The following SDCCAG8 variants were observed in gnomAD, a reference collection of about 807,000 sequenced individuals.
The protein encoded by SDCCAG8 is serologically defined colon cancer antigen 8.
A neutral mutation model predicts 101.8 loss-of-function variants in SDCCAG8; 74 were observed. The observed-to-expected ratio is 0.73, with a 90% confidence interval of 0.60 to 0.88. The LOEUF (loss-of-function observed/expected upper bound fraction) is 0.88. Ranked by LOEUF, SDCCAG8 falls within the 40% of genes least tolerant of loss-of-function variation. The pLI is 0.00. For synonymous variants in SDCCAG8, 281 were observed against 292.9 expected (o/e 0.96, Z 0.41); for missense variants, 787 against 822.6 (o/e 0.96, Z 0.53).
chr1:243,493,961 G>A (rs1305592710), intron 17 of SDCCAG8, among the ~76,000 whole-genome samples: 6 of 151,980 alleles, frequency 3.9e-5, no homozygotes, highest in African/African-American at 1.4e-4. Context: ...TGGCTGCAAG[G>A]CGGAGCTGCT....
At chr1:243,273,064 A>G (rs1200852185) in intron 3 of SDCCAG8, among the ~76,000 whole-genome samples, 5 of 152,196 alleles carry the variant, frequency 3.3e-5, no homozygotes, top group Non-Finnish European at 7.3e-5. Context: ...ATATTTGCCT[A>G]TCTTCTGAAC....
intron 16 of SDCCAG8, among the ~76,000 whole-genome samples, chr1:243,482,943 G>C (rs981946748): frequency 3.9e-5 from 6 of 152,182 alleles, no homozygotes; most frequent in African/African-American, 1.4e-4. Flanking sequence ...CGCAGGCTGT[G>C]GGGGGCTTCT....
chr1:243,483,598 C>G (rs1342819142), intron 16 of SDCCAG8, among the ~76,000 whole-genome samples: 2 of 152,236 alleles, frequency 1.3e-5, no homozygotes, highest in African/African-American at 4.8e-5. Context: ...CAGCCCAGCC[C>G]CTCACCAGAA....
intron 5 of SDCCAG8, among the ~76,000 whole-genome samples, chr1:243,289,000 C>T (rs138449736): frequency 0.016 from 2,353 of 146,740 alleles, 32 homozygotes; most frequent in South Asian, 0.025. Flanking sequence ...GAGCAAGACT[C>T]CATCTCAAAA....
intron 16 of SDCCAG8, among the ~76,000 whole-genome samples, chr1:243,477,079 A>G (rs1662592364): frequency 6.6e-6 from 1 of 152,118 alleles, no homozygotes; most frequent in African/African-American, 2.4e-5. Context: ...GGGCAAAATT[A>G]TTACAGTAGG....
At chr1:243,431,572 T>G (rs562284746) in intron 16 of SDCCAG8, among the ~76,000 whole-genome samples, 4 of 152,324 alleles carry the variant, frequency 2.6e-5, no homozygotes, top group African/African-American at 4.8e-5. Context: ...ACGAAGAAAG[T>G]TAAATTTTCA....
In SDCCAG8 at chr1:243,308,140, A is replaced by G. The variant is rs1227898297; in HGVS notation, c.892A>G (p.Thr298Ala). Residue 298 changes from threonine to alanine, a missense_variant, in exon 8 of 18, where the codon ACT becomes GCT. Thr to Ala is a moderately conservative substitution (Grantham distance 58, BLOSUM62 0). Transcript: ENST00000366541. ...TGAAGCTGTTCTTTCCCAAACCCAT[A>G]CTAATGTTCATATGCAGACCATCGA... The part of the protein sequence containing the change: ...QHEAVLSQTH[T>A]NVHMQTIERL... 6.2e-7 allele frequency: 1 copy of G among 1,614,144 alleles called. No homozygotes were observed. The highest frequency in any genetic ancestry group is 8.5e-7 in the Non-Finnish European group (1 of 1,180,008).
chr1:243,281,835 G>A (rs1418069346), intron 4 of SDCCAG8, among the ~76,000 whole-genome samples: 2 of 151,830 alleles, frequency 1.3e-5, no homozygotes, highest in East Asian at 3.9e-4. Context: ...TTACAGAGAT[G>A]GGGTCTCACT....
chr1:243,360,368 A>G (rs760411547), intron 12 of SDCCAG8, among the ~76,000 whole-genome samples: 3 of 151,662 alleles, frequency 2.0e-5, no homozygotes, highest in Non-Finnish European at 2.9e-5. Flanking sequence ...TAGCCAGGAT[A>G]GTCTCGATCT....
intron 13 of SDCCAG8, among the ~76,000 whole-genome samples, chr1:243,410,607 A>G (rs2080105321): frequency 6.6e-6 from 1 of 152,144 alleles, no homozygotes; most frequent in Non-Finnish European, 1.5e-5. Context: ...CTTCAACCCC[A>G]CAACTACCAG....
At chr1:243,493,802 T>C (rs912638090) in intron 17 of SDCCAG8, among the ~76,000 whole-genome samples, 8 of 151,574 alleles carry the variant, frequency 5.3e-5, no homozygotes, top group Non-Finnish European at 8.8e-5. Flanking sequence ...AAAGGACTCA[T>C]AGAAGAGAGC....
chr1:243,262,887 T>C (rs2067299469), intron 1 of SDCCAG8, among the ~76,000 whole-genome samples: 1 of 152,220 alleles, frequency 6.6e-6, no homozygotes, highest in Non-Finnish European at 1.5e-5. Flanking sequence ...GCCCACTGGA[T>C]ACTTAAAGGG....
intron 9 of SDCCAG8, among the ~76,000 whole-genome samples, chr1:243,324,830 G>A (rs1195739328): frequency 1.3e-5 from 2 of 152,142 alleles, no homozygotes; most frequent in Non-Finnish European, 2.9e-5. Context: ...AACTTTGCTA[G>A]TCTTCTCTTT....
At chr1:243,260,844 T>C (rs10737887) in intron 1 of SDCCAG8, among the ~76,000 whole-genome samples, 122,574 of 152,082 alleles carry the variant, frequency 0.81, 50,413 homozygotes, top group East Asian at 0.94. Context: ...TTTAGATGAA[T>C]TTATGGGAAG....
At chr1:243,369,031 A>G (rs1446912680) in intron 12 of SDCCAG8, among the ~76,000 whole-genome samples, 1 of 152,128 alleles carries the variant, frequency 6.6e-6, no homozygotes, top group Non-Finnish European at 1.5e-5. Flanking sequence ...TGAATATTGC[A>G]TGTGACCAAA....
chr1:243,299,361 A>G (rs1012353677), intron 6 of SDCCAG8, among the ~76,000 whole-genome samples: 8 of 152,158 alleles, frequency 5.3e-5, no homozygotes, highest in Non-Finnish European at 1.0e-4. Context: ...TTTTATAGAA[A>G]GCATATAGTT....
At chr1:243,353,979 A>G (rs1331053711) in intron 12 of SDCCAG8, among the ~76,000 whole-genome samples, 2 of 152,208 alleles carry the variant, frequency 1.3e-5, no homozygotes, top group African/African-American at 4.8e-5. Flanking sequence ...ATTGACAATT[A>G]TCTTGATTTG....
At chr1:243,321,116 C>A (rs1183002189) in intron 9 of SDCCAG8, among the ~76,000 whole-genome samples, 1 of 152,190 alleles carries the variant, frequency 6.6e-6, no homozygotes, top group African/African-American at 2.4e-5. Context: ...CCCTCCTCCC[C>A]CAAGTTGTGA....
At chr1:243,303,921 A>G (rs1021403515) in intron 6 of SDCCAG8, among the ~76,000 whole-genome samples, 1 of 152,058 alleles carries the variant, frequency 6.6e-6, no homozygotes, top group Non-Finnish European at 1.5e-5. Flanking sequence ...AAAAATACAA[A>G]AATTAGCCGG....
Sources: gnomAD v4.1 joint callset for allele counts (sites outside exome capture counted in the v4.1 genomes callset) on GRCh38, gnomAD v4.1.1 for gene constraint, MANE v1.5 for transcripts, NCBI Gene and HGNC (gene_info 2026-07-23, HGNC 2026-07-21) for gene names.